The following CLASP1 variants were observed in gnomAD, a reference collection of about 807,000 sequenced individuals.
CLASP1 encodes CLIP-associating protein 1.
Under a neutral mutation model 192.3 loss-of-function variants are expected in CLASP1, and 38 were observed. The observed-to-expected ratio is 0.20, with a 90% CI of 0.15 to 0.26. The LOEUF (loss-of-function observed/expected upper bound fraction) is 0.26. CLASP1 is among the 10% of genes least tolerant of loss of function. The pLI is 1.00. For missense variants in CLASP1, 1,433 were observed against 1,932.5 expected (o/e 0.74, Z 4.85); for synonymous variants, 691 against 712.8 (o/e 0.97, Z 0.49).
At chr2:121,577,170 G>GA (rs1422198921) in intron 2 of CLASP1, among the ~76,000 whole-genome samples, 4 of 151,910 alleles carry the variant, frequency 2.6e-5, no homozygotes, top group Non-Finnish European at 4.4e-5. Context: ...GTTGAAGCTG[G>GA]ATGATGAGTA....
chr2:121,371,181 AT>A (rs1387076427), intron 34 of CLASP1, among the ~76,000 whole-genome samples: 1 of 151,714 alleles, frequency 6.6e-6, no homozygotes, highest in East Asian at 1.9e-4. Context: ...TCTAAGTATC[AT>A]TTTTTGGGCA....
chr2:121,507,290 C>A (rs1412816771), intron 7 of CLASP1, among the ~76,000 whole-genome samples: 1 of 152,020 alleles, frequency 6.6e-6, no homozygotes, highest in Non-Finnish European at 1.5e-5. Context: ...ATGAAAAATA[C>A]AATAACTGAA....
At chr2:121,624,737 T>C (rs1239651568) in intron 1 of CLASP1, among the ~76,000 whole-genome samples, 1 of 152,232 alleles carries the variant, frequency 6.6e-6, no homozygotes, top group Non-Finnish European at 1.5e-5. Context: ...CTGTTTTGTT[T>C]TGTTTTTTTC....
chr2:121,611,242 G>A (rs1241520687), intron 1 of CLASP1, among the ~76,000 whole-genome samples: 2 of 144,394 alleles, frequency 1.4e-5, no homozygotes, highest in Non-Finnish European at 3.1e-5. Flanking sequence ...ACTGGAGGAG[G>A]AGGCGTTGGA....
At chr2:121,453,634 T>C (rs1290133169) in intron 14 of CLASP1, among the ~76,000 whole-genome samples, 1 of 152,240 alleles carries the variant, frequency 6.6e-6, no homozygotes, top group Non-Finnish European at 1.5e-5. Flanking sequence ...TTTCCCAGTC[T>C]GGGTTTTTCT....
intron 7 of CLASP1, among the ~76,000 whole-genome samples, chr2:121,511,523 G>A (rs2094134298): frequency 6.6e-6 from 1 of 151,914 alleles, no homozygotes; most frequent in South Asian, 2.1e-4. Context: ...AGGAGGTGGA[G>A]GTTGCAGTGA....
At chr2:121,474,250 A>T (rs138897358) in intron 8 of CLASP1, among the ~76,000 whole-genome samples, 1 of 152,214 alleles carries the variant, frequency 6.6e-6, no homozygotes, top group Non-Finnish European at 1.5e-5. Flanking sequence ...AAAACTATAC[A>T]GGAAGTAAGG....
intron 14 of CLASP1, among the ~76,000 whole-genome samples, chr2:121,453,017 C>T (rs940668202): frequency 6.6e-6 from 1 of 151,602 alleles, no homozygotes; most frequent in Non-Finnish European, 1.5e-5. Context: ...CTGGGAGCAG[C>T]GGCTCACGCC....
At chr2:121,635,465 T>C (rs2070664329) in intron 1 of CLASP1, among the ~76,000 whole-genome samples, 7 of 152,136 alleles carry the variant, frequency 4.6e-5, no homozygotes, top group Admixed American at 3.9e-4. Context: ...TACTAAGAAA[T>C]ACCTTAAGAG....
intron 1 of CLASP1, among the ~76,000 whole-genome samples, chr2:121,645,101 T>G (rs2072929569): frequency 6.6e-6 from 1 of 152,160 alleles, no homozygotes; most frequent in African/African-American, 2.4e-5. Flanking sequence ...TCTCCCTAAC[T>G]AGACTGCAAG....
chr2:121,527,966 C>A, intron 4 of CLASP1, 76 bp from the exon 5 acceptor site: 1 of 1,217,386 alleles, frequency 8.2e-7, no homozygotes. Flanking sequence ...CAATAGAAGG[C>A]AAGCCTCTTA....
At chr2:121,426,025 G>GTC (rs2080311996) in intron 21 of CLASP1, among the ~76,000 whole-genome samples, 1 of 151,958 alleles carries the variant, frequency 6.6e-6, no homozygotes, top group Non-Finnish European at 1.5e-5. Context: ...CATGCCTCTA[G>GTC]TCCCAGCTAC....
intron 20 of CLASP1, among the ~76,000 whole-genome samples, chr2:121,428,977 C>T (rs79701940): frequency 0.037 from 5,637 of 152,218 alleles, 157 homozygotes; most frequent in East Asian, 0.14. Context: ...AGGATGCAAA[C>T]CCAGTTTTGT....
chr2:121,431,293 T>C (rs1464736875), intron 19 of CLASP1, among the ~76,000 whole-genome samples: 1 of 152,202 alleles, frequency 6.6e-6, no homozygotes, highest in Non-Finnish European at 1.5e-5. Context: ...AACTCTATAA[T>C]CTATACAGAA....
At chr2:121,387,713 G>A (rs1221725927) in intron 31 of CLASP1, 50 bp downstream of exon 32, 18 of 1,587,502 alleles carry the variant, frequency 1.1e-5, no homozygotes, top group South Asian at 3.3e-5. Context: ...TAAGGGCTAC[G>A]CAGAGGTCAT....
chr2:121,414,977 C>T (rs2078319547), intron 23 of CLASP1, among the ~76,000 whole-genome samples: 1 of 152,178 alleles, frequency 6.6e-6, no homozygotes, highest in Non-Finnish European at 1.5e-5. Flanking sequence ...GACGAGGTCT[C>T]CCTATGTTGC....
At chr2:121,598,655 T>G (rs2063418014) in intron 2 of CLASP1, among the ~76,000 whole-genome samples, 1 of 152,142 alleles carries the variant, frequency 6.6e-6, no homozygotes, top group Admixed American at 6.5e-5. Flanking sequence ...CTCAGTTACT[T>G]CCTGTATAAA....
At chr2:121,641,757 T>C (rs2072128705) in intron 1 of CLASP1, among the ~76,000 whole-genome samples, 2 of 152,264 alleles carry the variant, frequency 1.3e-5, no homozygotes, top group Non-Finnish European at 2.9e-5. Context: ...TAAATTATAT[T>C]CACCAGAAGT....
At chr2:121,588,508 T>C (rs536833566) in intron 2 of CLASP1, among the ~76,000 whole-genome samples, 45 of 152,100 alleles carry the variant, frequency 3.0e-4, no homozygotes, top group African/African-American at 9.9e-4. Context: ...GCCCAAATAA[T>C]GAAGATCATC....
Sources: allele counts gnomAD v4.1 joint callset (sites outside exome capture counted in the v4.1 genomes callset), GRCh38; gene constraint gnomAD v4.1.1; transcripts MANE v1.5; gene names NCBI Gene and HGNC (gene_info 2026-07-23, HGNC 2026-07-21).